The following DRC7 variants were observed in gnomAD, a reference collection of about 807,000 sequenced individuals.
The protein encoded by DRC7 is dynein regulatory complex subunit 7.
DRC7 carries 80 observed loss-of-function variants against 104.4 expected under a neutral mutation model. The observed-to-expected ratio is 0.77, with a 90% CI of 0.64 to 0.92. The LOEUF (loss-of-function observed/expected upper bound fraction) is 0.92, where lower values mean the gene tolerates loss of function less well. Ranked by LOEUF, DRC7 falls within the 40% of genes least tolerant of loss-of-function variation. The pLI is 0.00. For missense variants in DRC7, 1,034 were observed against 1,141.1 expected, an observed-to-expected ratio of 0.91 and a Z score of 1.35; for synonymous variants, 405 against 447.3, an observed-to-expected ratio of 0.91 and a Z score of 1.19.
At chr16:57,721,144 A>C (rs1049792216) in intron 9 of DRC7, among the ~76,000 whole-genome samples, 6 of 152,198 alleles carry the variant, frequency 3.9e-5, no homozygotes, top group African/African-American at 1.4e-4. Context: ...TGAACCTGGG[A>C]GACGGAGGTT....
intron 8 of DRC7, chr16:57,714,732 G>C: frequency 4.0e-6 from 1 of 248,960 alleles, no homozygotes; most frequent in African/African-American, 2.6e-5. Flanking sequence ...TCACAGCACT[G>C]TTTGCCAGTA....
chr16:57,698,637 C>G (rs1444603751), intron 3 of DRC7, among the ~76,000 whole-genome samples: 2 of 152,128 alleles, frequency 1.3e-5, no homozygotes, highest in African/African-American at 4.8e-5. Context: ...CTGCAGTGAG[C>G]TATGATTGTG....
chr16:57,703,599 G>A (rs1249731271), intron 6 of DRC7, among the ~76,000 whole-genome samples: 1 of 152,162 alleles, frequency 6.6e-6, no homozygotes, highest in Non-Finnish European at 1.5e-5. Flanking sequence ...CACAAGAAGA[G>A]CCTTGCTCTC....
At chr16:57,699,829 C>G (rs919873938) in intron 4 of DRC7, among the ~76,000 whole-genome samples, 4 of 152,168 alleles carry the variant, frequency 2.6e-5, no homozygotes, top group Non-Finnish European at 2.9e-5. Flanking sequence ...CCACAATGCC[C>G]TAGGGGTTGA....
chr16:57,729,233 G>C (rs1415941281), intron 17 of DRC7, among the ~76,000 whole-genome samples: 1 of 148,216 alleles, frequency 6.7e-6, no homozygotes, highest in East Asian at 2.0e-4. Context: ...TGGGTGGGTG[G>C]GTGGATAGAT....
intron 8 of DRC7, among the ~76,000 whole-genome samples, chr16:57,715,490 A>T (rs1219241903): frequency 6.6e-6 from 1 of 152,186 alleles, no homozygotes; most frequent in Admixed American, 6.5e-5. Context: ...CTTTGTGAAG[A>T]AGTCAGAAGC....
intron 8 of DRC7, among the ~76,000 whole-genome samples, chr16:57,708,347 T>A (rs2048755509): frequency 6.6e-6 from 1 of 152,354 alleles, no homozygotes; most frequent in Non-Finnish European, 1.5e-5. Flanking sequence ...GGAGTTTACA[T>A]CAGTTGAATC....
In DRC7 at chr16:57,702,077, T is replaced by C; in HGVS notation, c.646T>C (p.Cys216Arg). The change falls in exon 6 of 19, where the codon TGC becomes CGC. Residue 216 changes from cysteine (C) to arginine (R), a missense_variant. Coordinates refer to ENST00000360716, the MANE Select transcript of DRC7 (RefSeq NM_001289162.2). ...CAACGGCTACGGCTCGCTGGACCTG[T>C]GCCACATGGACCTGACGCGGGAGGT... ...CVNGYGSLDL[C>R]HMDLTREVCP... The C allele has an allele frequency of 1.2e-6, 2 of 1,614,186 alleles. No individual in the cohort carries two copies. Among genetic ancestry groups the C allele is most frequent in the Non-Finnish European group, 1.7e-6 (2 of 1,180,016 alleles).
intron 10 of DRC7, among the ~76,000 whole-genome samples, chr16:57,722,261 G>A (rs372400480): frequency 6.6e-6 from 1 of 152,182 alleles, no homozygotes; most frequent in African/African-American, 2.4e-5. Context: ...GAACCCAGAG[G>A]GGGGCGCACC....
chr16:57,700,085 A>C, intron 4 of DRC7, 60 bp from the exon 5 acceptor site: 1 of 1,576,630 alleles, frequency 6.3e-7, no homozygotes, highest in Non-Finnish European at 8.7e-7. Context: ...GAAGGCCCCA[A>C]GCTTGATCTC....
intron 12 of DRC7, 135 bp downstream of exon 12, chr16:57,723,265 C>G: frequency 9.7e-7 from 1 of 1,035,312 alleles, no homozygotes; most frequent in South Asian, 1.6e-5. Context: ...GCAGTAGAAG[C>G]TGCCCTGCCT....
At chr16:57,702,295 C>T (rs1470315231) in intron 6 of DRC7, among the ~76,000 whole-genome samples, 165 bp downstream of exon 6, 2 of 152,148 alleles carry the variant, frequency 1.3e-5, no homozygotes, top group African/African-American at 4.8e-5. Flanking sequence ...GTTCATATTT[C>T]AAACCACCAG....
intron 9 of DRC7, among the ~76,000 whole-genome samples, chr16:57,721,074 G>A (rs2048896946): frequency 6.6e-6 from 1 of 152,110 alleles, no homozygotes; most frequent in African/African-American, 2.4e-5. Flanking sequence ...AATCAACTGG[G>A]TGTGGTAGGT....
chr16:57,706,343 CA>C (rs2048726930), intron 7 of DRC7, among the ~76,000 whole-genome samples: 1 of 148,194 alleles, frequency 6.7e-6, no homozygotes, highest in Non-Finnish European at 1.5e-5. Context: ...ATTTCTCCTC[CA>C]ACCCATCCTC....
chr16:57,696,223 G>T (rs1264427303), intron 1 of DRC7, among the ~76,000 whole-genome samples: 4 of 152,162 alleles, frequency 2.6e-5, no homozygotes, highest in Non-Finnish European at 5.9e-5. Context: ...TAGAAGCTGA[G>T]GTTTCTTATA....
intron 7 of DRC7, among the ~76,000 whole-genome samples, chr16:57,705,554 GTCCTCCCACCCAC>G (rs2048705440): frequency 1.4e-5 from 1 of 71,434 alleles, no homozygotes; most frequent in Non-Finnish European, 2.8e-5. Flanking sequence ...CCATCCATCT[GTCCTCCCACCCAC>G]CTCCCATCCA....
rs749631550 is a variant in DRC7 at position 57,723,040 on chromosome 16, C to T, written c.1447C>T (p.Arg483Trp). 9.9e-6 allele frequency: 16 copies of T among 1,613,850 alleles called. No individual in the cohort carries two copies. The highest frequency in any genetic ancestry group is 3.3e-5 in the South Asian group (3 of 91,072). The change falls in exon 12 of 19, where the codon CGG (arginine) becomes TGG (tryptophan). Residue 483 changes from arginine to tryptophan, a missense_variant. Transcript: ENST00000360716. ...ILEIKEWYQNREDMLELKHIN... is the reference protein window; with the variant it reads ...ILEIKEWYQNWEDMLELKHIN... ...GGAGATAAAGGAGTGGTACCAGAAC[C>T]GGGAAGACATGCTGGAGCTGAAACA...
intron 8 of DRC7, among the ~76,000 whole-genome samples, chr16:57,708,630 C>T (rs1376306278): frequency 6.6e-6 from 1 of 152,108 alleles, no homozygotes; most frequent in African/African-American, 2.4e-5. Flanking sequence ...GGGGTGGAAT[C>T]GCTGAGTCAC....
intron 17 of DRC7, among the ~76,000 whole-genome samples, chr16:57,730,290 T>G (rs1597817357): frequency 4.1e-5 from 4 of 98,356 alleles, no homozygotes; most frequent in Non-Finnish European, 4.0e-5. Context: ...AGTGGGTGGG[T>G]GGATGGGTGG....
Sources: gnomAD v4.1 joint callset for allele counts (sites outside exome capture counted in the v4.1 genomes callset) on GRCh38, gnomAD v4.1.1 for gene constraint, MANE v1.5 for transcripts, NCBI Gene and HGNC (gene_info 2026-07-23, HGNC 2026-07-21) for gene names.